SORCS3: variants seen among roughly 807,000 people sequenced by gnomAD.
SORCS3 encodes the protein sortilin related VPS10 domain containing receptor 3.
In SORCS3, 57 loss-of-function variants were observed where a neutral mutation model predicts 146.3. That is an observed-to-expected ratio of 0.39 (90% CI 0.31 to 0.49). The LOEUF (loss-of-function observed/expected upper bound fraction) is 0.49, where lower values mean the gene tolerates loss of function less well. Among genes scored for constraint, SORCS3 ranks in the 20% least tolerant of loss-of-function variants. SORCS3 has a pLI of 0.92. For missense variants in SORCS3, 1,341 were observed against 1,575.5 expected, an observed-to-expected ratio of 0.85 and a Z score of 2.52; for synonymous variants, 653 against 618.5, an observed-to-expected ratio of 1.06 and a Z score of -0.83.
chr10:104,791,424 G>A (rs1352017279), intron 1 of SORCS3, among the ~76,000 whole-genome samples: 1 of 152,216 alleles, frequency 6.6e-6, no homozygotes, highest in Admixed American at 6.5e-5. Flanking sequence ...GTCGGGTTCA[G>A]CCTTTATGCA....
intron 3 of SORCS3, among the ~76,000 whole-genome samples, chr10:104,949,475 G>A (rs1010022369): frequency 3.3e-5 from 5 of 152,176 alleles, no homozygotes; most frequent in African/African-American, 1.2e-4. Context: ...TTCAAAGTGT[G>A]TAGTACTAAG....
chr10:105,051,191 A>G (rs575795766), intron 5 of SORCS3, among the ~76,000 whole-genome samples: 1 of 152,202 alleles, frequency 6.6e-6, no homozygotes, highest in Non-Finnish European at 1.5e-5. Flanking sequence ...ATGTATGTAC[A>G]TGCTCATTTA....
chr10:104,870,998 G>A (rs1314628470), intron 2 of SORCS3, among the ~76,000 whole-genome samples: 1 of 152,178 alleles, frequency 6.6e-6, no homozygotes, highest in Non-Finnish European at 1.5e-5. Context: ...AGAAAGCACA[G>A]TGGGCAGAGC....
intron 2 of SORCS3, among the ~76,000 whole-genome samples, chr10:104,898,360 T>G (rs573479117): frequency 1.8e-4 from 28 of 152,354 alleles, no homozygotes; most frequent in African/African-American, 5.8e-4. Flanking sequence ...GGAAAATGAA[T>G]GAAGAATAGG....
intron 4 of SORCS3, among the ~76,000 whole-genome samples, chr10:105,039,649 G>T (rs2055327151): frequency 6.6e-6 from 1 of 151,984 alleles, no homozygotes; most frequent in Middle Eastern, 3.4e-3. Flanking sequence ...TAGAGATGGG[G>T]TTTCACCACG....
intron 1 of SORCS3, among the ~76,000 whole-genome samples, chr10:104,687,970 A>G (rs1212739018): frequency 6.6e-6 from 1 of 152,248 alleles, no homozygotes; most frequent in Non-Finnish European, 1.5e-5. Flanking sequence ...CATCATCCAC[A>G]TCTCTAGCTT....
At chr10:104,796,899 T>C (rs2017562970) in intron 1 of SORCS3, among the ~76,000 whole-genome samples, 1 of 152,242 alleles carries the variant, frequency 6.6e-6, no homozygotes, top group African/African-American at 2.4e-5. Context: ...ACTATTCTTG[T>C]TGAAGTCTTT....
intron 1 of SORCS3, among the ~76,000 whole-genome samples, chr10:104,686,459 AC>A (rs545377932): frequency 7.0e-4 from 107 of 152,264 alleles, no homozygotes; most frequent in Admixed American, 6.3e-3. Flanking sequence ...AAATAAAGTA[AC>A]AACCAATCGT....
chr10:104,938,715 T>C (rs1237771540), intron 3 of SORCS3, among the ~76,000 whole-genome samples: 2 of 152,202 alleles, frequency 1.3e-5, no homozygotes, highest in Non-Finnish European at 2.9e-5. Flanking sequence ...TATATAAATA[T>C]GGCTAGTTCT....
chr10:104,858,535 A>G (rs1471682438), intron 2 of SORCS3, among the ~76,000 whole-genome samples: 1 of 151,878 alleles, frequency 6.6e-6, no homozygotes, highest in Admixed American at 6.6e-5. Flanking sequence ...TTTTCCATGC[A>G]TTTTAGAGTT....
intron 1 of SORCS3, among the ~76,000 whole-genome samples, chr10:104,787,905 C>A (rs2017456586): frequency 6.6e-6 from 1 of 152,138 alleles, no homozygotes. Context: ...CTTACAATTG[C>A]AGATTTTTAT....
chr10:104,761,344 G>A (rs112086132), intron 1 of SORCS3, among the ~76,000 whole-genome samples: 3,808 of 151,984 alleles, frequency 0.025, 79 homozygotes, highest in Non-Finnish European at 0.037. Flanking sequence ...GCCTCTTCTC[G>A]CTCCAGATAC....
At chr10:105,218,622 T>C (rs2056679110) in intron 19 of SORCS3, among the ~76,000 whole-genome samples, 1 of 152,234 alleles carries the variant, frequency 6.6e-6, no homozygotes, top group African/African-American at 2.4e-5. Flanking sequence ...GAGCCCAGGC[T>C]TCAGAACAAG....
chr10:105,100,668 T>C (rs1201275073), intron 6 of SORCS3, among the ~76,000 whole-genome samples: 1 of 152,214 alleles, frequency 6.6e-6, no homozygotes, highest in African/African-American at 2.4e-5. Flanking sequence ...AAACGATGAT[T>C]TAAATTCAGA....
At chr10:105,142,977 C>T (rs1459422562) in intron 8 of SORCS3, among the ~76,000 whole-genome samples, 2 of 152,170 alleles carry the variant, frequency 1.3e-5, no homozygotes, top group Non-Finnish European at 2.9e-5. Flanking sequence ...TTATCCTTCA[C>T]TGCTGTGTCA....
intron 4 of SORCS3, among the ~76,000 whole-genome samples, chr10:104,987,066 G>T (rs533865795): frequency 6.6e-6 from 1 of 151,888 alleles, no homozygotes; most frequent in Non-Finnish European, 1.5e-5. Context: ...ATGCCTGTAC[G>T]CATTACATAT....
At chr10:104,726,959 G>A (rs575703731) in intron 1 of SORCS3, among the ~76,000 whole-genome samples, 6 of 152,254 alleles carry the variant, frequency 3.9e-5, no homozygotes, top group African/African-American at 1.4e-4. Context: ...CCTGTTTTTA[G>A]GGTACTGCTG....
At chr10:105,104,161 T>G (rs2055805492) in intron 6 of SORCS3, among the ~76,000 whole-genome samples, 1 of 152,192 alleles carries the variant, frequency 6.6e-6, no homozygotes, top group Non-Finnish European at 1.5e-5. Flanking sequence ...CACACATATG[T>G]GCACATACAA....
At chr10:104,891,804 G>A (rs577638767) in intron 2 of SORCS3, among the ~76,000 whole-genome samples, 3 of 152,260 alleles carry the variant, frequency 2.0e-5, no homozygotes, top group South Asian at 4.1e-4. Flanking sequence ...CAGATTAGTG[G>A]CAGAGCTAGC....
Sources: gnomAD v4.1 joint callset for allele counts (sites outside exome capture counted in the v4.1 genomes callset) on GRCh38, gnomAD v4.1.1 for gene constraint, MANE v1.5 for transcripts, NCBI Gene and HGNC (gene_info 2026-07-23, HGNC 2026-07-21) for gene names.